AGTPBP1: variants seen among roughly 807,000 people sequenced by gnomAD.
AGTPBP1 encodes the protein cytosolic carboxypeptidase 1.
In AGTPBP1, 70 loss-of-function variants were observed where a neutral mutation model predicts 143.9. That is an observed-to-expected ratio of 0.49 (90% CI 0.40 to 0.59). The LOEUF (loss-of-function observed/expected upper bound fraction) is 0.59. Among genes scored for constraint, AGTPBP1 ranks in the 20% least tolerant of loss-of-function variants. AGTPBP1 has a pLI of 0.00. For synonymous variants in AGTPBP1, 463 were observed against 500.2 expected (o/e 0.93, Z 0.99); for missense variants, 1,229 against 1,464.5 (o/e 0.84, Z 2.62).
chr9:85,611,460 T>G (rs189132815), intron 17 of AGTPBP1, among the ~76,000 whole-genome samples: 313 of 152,126 alleles, frequency 2.1e-3, no homozygotes, highest in Admixed American at 4.5e-3. Flanking sequence ...GATAATTTTA[T>G]ACTATTAAAG....
chr9:85,763,803 G>T, the AGTPBP1 span, among the ~76,000 whole-genome samples: 15 of 152,096 alleles, frequency 9.9e-5, no homozygotes, highest in Admixed American at 6.6e-5. Flanking sequence ...TCAATTAAAA[G>T]CTTGGGGGAG....
chr9:85,685,605 C>T (rs1426034041), intron 3 of AGTPBP1, among the ~76,000 whole-genome samples: 2 of 151,902 alleles, frequency 1.3e-5, no homozygotes, highest in Non-Finnish European at 2.9e-5. Flanking sequence ...TCTTCCACAG[C>T]CAACCTGAAC....
chr9:85,768,426 T>G, the AGTPBP1 span, among the ~76,000 whole-genome samples: 1 of 152,216 alleles, frequency 6.6e-6, no homozygotes, highest in East Asian at 1.9e-4. Flanking sequence ...CAAATTACAT[T>G]GTTTTCCTTC....
intron 25 of AGTPBP1, among the ~76,000 whole-genome samples, chr9:85,560,349 G>A (rs1339270052): frequency 6.6e-6 from 1 of 152,188 alleles, no homozygotes; most frequent in East Asian, 1.9e-4. Flanking sequence ...TTATAAAGAG[G>A]AGTTAGACCT....
intron 25 of AGTPBP1, among the ~76,000 whole-genome samples, chr9:85,565,216 C>T (rs563894020): frequency 4.6e-5 from 7 of 152,238 alleles, no homozygotes; most frequent in Admixed American, 2.0e-4. Flanking sequence ...ATTCTTATTG[C>T]TGCAAGTATT....
chr9:85,550,282 CAGA>C (rs1465993168), intron 25 of AGTPBP1, among the ~76,000 whole-genome samples: 3 of 151,878 alleles, frequency 2.0e-5, no homozygotes, highest in East Asian at 1.9e-4. Flanking sequence ...AAGAGAAAAA[CAGA>C]AGATTACATC....
At chr9:85,577,890 A>T (rs1448799122) in intron 24 of AGTPBP1, among the ~76,000 whole-genome samples, 1 of 152,200 alleles carries the variant, frequency 6.6e-6, no homozygotes, top group Non-Finnish European at 1.5e-5. Context: ...TATCAACTAT[A>T]ATATGTTTAC....
the AGTPBP1 span, chr9:85,753,309 C>G: frequency 6.2e-7 from 1 of 1,613,774 alleles, no homozygotes; most frequent in South Asian, 1.1e-5. Flanking sequence ...TCTATAGGAA[C>G]TACAATTAAA....
chr9:85,786,558 A>G, the AGTPBP1 span: 506 of 1,613,886 alleles, frequency 3.1e-4, 3 homozygotes, highest in African/African-American at 5.9e-3. Context: ...GTATCTAGAA[A>G]ACCAAGGGAC....
At chr9:85,742,136 T>G, upstream of AGTPBP1, 8 of 677,606 alleles carry the variant, frequency 1.2e-5, no homozygotes, top group Non-Finnish European at 9.4e-6. Flanking sequence ...CCCGCCTCTC[T>G]GCGCGCCTGA....
intron 11 of AGTPBP1, among the ~76,000 whole-genome samples, chr9:85,650,042 CTTTT>C (rs35903806): frequency 3.7e-5 from 4 of 109,236 alleles, no homozygotes; most frequent in Admixed American, 2.0e-4. Flanking sequence ...CTAAACTTTC[CTTTT>C]TTTTTTTTTT....
chr9:85,720,534 TA>T (rs1313503966), intron 1 of AGTPBP1, among the ~76,000 whole-genome samples: 1 of 152,224 alleles, frequency 6.6e-6, no homozygotes, highest in Non-Finnish European at 1.5e-5. Context: ...TTATTGCATC[TA>T]TTTGATTCTT....
rs369595986 is a variant in AGTPBP1, at chr9:85,672,907, G to C, written c.437-226C>G. 1.4e-4 allele frequency among the ~76,000 whole-genome samples: 21 copies of C among 151,650 alleles called. No individual in the cohort carries two copies. In the East Asian group the frequency reaches 3.7e-3, roughly 27 times the overall value. The stretch of plus-strand genomic sequence containing the variant: ...CCACCACCACACTGGGTTAATTTTT[G>C]GATTTTTAGTGGAGACGGGCTTTCG... On this transcript the variant is annotated intron_variant, in intron 6 of 25. Coordinates refer to ENST00000357081, the MANE Select transcript of AGTPBP1 (RefSeq NM_001330701.2).
intron 25 of AGTPBP1, among the ~76,000 whole-genome samples, chr9:85,548,675 GTT>G (rs746375299): frequency 0.075 from 10,233 of 137,132 alleles, 822 homozygotes; most frequent in African/African-American, 0.22. Flanking sequence ...GTTTTTTTTT[GTT>G]TTTGTTTTTG....
At chr9:85,777,536 A>G in the AGTPBP1 span, among the ~76,000 whole-genome samples, 4 of 152,198 alleles carry the variant, frequency 2.6e-5, no homozygotes, top group Non-Finnish European at 5.9e-5. Flanking sequence ...CCATTGGGCA[A>G]TGACAGGGGT....
At chr9:85,746,908 C>T (rs1002036863), upstream of AGTPBP1, among the ~76,000 whole-genome samples, 2 of 152,074 alleles carry the variant, frequency 1.3e-5, no homozygotes, top group Non-Finnish European at 1.5e-5. Context: ...TCTGGAAGTG[C>T]GGTGGCATGA....
chr9:85,734,828 C>T (rs1259084838), intron 1 of AGTPBP1, among the ~76,000 whole-genome samples: 4 of 152,000 alleles, frequency 2.6e-5, no homozygotes, highest in Non-Finnish European at 5.9e-5. Context: ...AGTCAGGAGA[C>T]AGGGACCATC....
intron 3 of AGTPBP1, among the ~76,000 whole-genome samples, chr9:85,686,247 G>A (rs141550972): frequency 3.3e-5 from 5 of 151,950 alleles, no homozygotes; most frequent in South Asian, 2.1e-4. Flanking sequence ...AAAAGGCTGG[G>A]AGTAAAAGAA....
chr9:85,557,949 G>A (rs143112093), intron 25 of AGTPBP1, among the ~76,000 whole-genome samples: 289 of 152,292 alleles, frequency 1.9e-3, no homozygotes, highest in African/African-American at 6.6e-3. Context: ...AAAATAATAT[G>A]ATGGTAACTG....
Sources: gnomAD v4.1 joint callset for allele counts (sites outside exome capture counted in the v4.1 genomes callset) on GRCh38, gnomAD v4.1.1 for gene constraint, MANE v1.5 for transcripts, NCBI Gene and HGNC (gene_info 2026-07-23, HGNC 2026-07-21) for gene names.